The following PCDH7 variants were observed in gnomAD, a reference collection of about 807,000 sequenced individuals.
The protein encoded by PCDH7 is protocadherin-7.
Under a neutral mutation model 58.9 loss-of-function variants are expected in PCDH7, and 17 were observed. That is an observed-to-expected ratio of 0.29 (90% CI 0.20 to 0.43). The LOEUF is 0.43. Ranked by LOEUF, PCDH7 falls within the 20% of genes least tolerant of loss-of-function variation. The pLI is 1.00. For missense variants in PCDH7, 1,274 were observed against 1,441.0 expected, an observed-to-expected ratio of 0.88 and a Z score of 1.88; for synonymous variants, 664 against 616.4, an observed-to-expected ratio of 1.08 and a Z score of -1.14.
chr4:31,119,009 G>C (rs1319255177), intron 3 of PCDH7, among the ~76,000 whole-genome samples: 1 of 151,982 alleles, frequency 6.6e-6, no homozygotes, highest in Non-Finnish European at 1.5e-5. Context: ...CAAGTCTTTG[G>C]TGTCATCAAA....
intron 1 of PCDH7, among the ~76,000 whole-genome samples, chr4:30,852,095 CAG>C (rs1449795280): frequency 6.6e-6 from 1 of 151,988 alleles, no homozygotes; most frequent in African/African-American, 2.4e-5. Flanking sequence ...CACCTAAAAA[CAG>C]TATTTTCTTA....
At chr4:30,842,243 G>T (rs111551498) in intron 1 of PCDH7, among the ~76,000 whole-genome samples, 23 of 152,068 alleles carry the variant, frequency 1.5e-4, no homozygotes, top group African/African-American at 5.1e-4. Context: ...ATATGGGGTT[G>T]GGCACCCAGA....
chr4:30,957,266 A>G (rs1747957189), intron 3 of PCDH7, among the ~76,000 whole-genome samples: 1 of 152,204 alleles, frequency 6.6e-6, no homozygotes, highest in Non-Finnish European at 1.5e-5. Flanking sequence ...TCAATTAAAT[A>G]AAAAGAATTA....
intron 1 of PCDH7, among the ~76,000 whole-genome samples, chr4:30,839,141 T>C (rs1343399510): frequency 6.6e-6 from 1 of 151,886 alleles, no homozygotes. Flanking sequence ...TCACAATTGC[T>C]ATATATAATA....
At chr4:31,064,859 A>G (rs1372988543) in intron 3 of PCDH7, among the ~76,000 whole-genome samples, 1 of 147,242 alleles carries the variant, frequency 6.8e-6, no homozygotes, top group East Asian at 1.9e-4. Context: ...TCAGTTCATA[A>G]CACACACACA....
intron 3 of PCDH7, among the ~76,000 whole-genome samples, chr4:31,087,692 C>A (rs1712643827): frequency 6.6e-6 from 1 of 151,984 alleles, no homozygotes; most frequent in Admixed American, 6.6e-5. Context: ...AACATGGAAA[C>A]CAATATGAAG....
intron 3 of PCDH7, among the ~76,000 whole-genome samples, chr4:31,042,345 A>G (rs1755940373): frequency 1.3e-5 from 2 of 152,194 alleles, no homozygotes; most frequent in South Asian, 2.1e-4. Flanking sequence ...TTTTCCCAGT[A>G]GAATTCTCCA....
intron 1 of PCDH7, among the ~76,000 whole-genome samples, chr4:30,816,842 G>A (rs957364336): frequency 6.6e-6 from 1 of 152,044 alleles, no homozygotes; most frequent in Non-Finnish European, 1.5e-5. Flanking sequence ...GGGAAAAGGG[G>A]CATTTTTTGG....
chr4:31,145,932 AC>A (rs1392731480), downstream of PCDH7: 7 of 152,216 alleles, frequency 4.6e-5, no homozygotes, highest in Admixed American at 1.3e-4. Context: ...TTTTCTGTAC[AC>A]AAGACTCTCA....
chr4:30,947,948 A>T (rs1166808826), intron 2 of PCDH7, among the ~76,000 whole-genome samples: 1 of 152,116 alleles, frequency 6.6e-6, no homozygotes, highest in Non-Finnish European at 1.5e-5. Context: ...TGTGAGTGAG[A>T]ACATGCGGTG....
intron 1 of PCDH7, among the ~76,000 whole-genome samples, chr4:30,861,854 G>A (rs772456964): frequency 2.6e-5 from 4 of 152,096 alleles, no homozygotes; most frequent in Non-Finnish European, 4.4e-5. Context: ...TAGAAGTAGA[G>A]CACCTTGTTA....
downstream of PCDH7, among the ~76,000 whole-genome samples, chr4:30,735,669 G>A (rs1716150480): frequency 6.6e-6 from 1 of 152,142 alleles, no homozygotes. Flanking sequence ...GTAACCTTGG[G>A]TAGCTTAGAA....
At chr4:30,973,302 T>G (rs2109475623) in intron 3 of PCDH7, among the ~76,000 whole-genome samples, 1 of 152,276 alleles carries the variant, frequency 6.6e-6, no homozygotes, top group South Asian at 2.1e-4. Context: ...TGTTGCATGC[T>G]TAGGGAAGAC....
At chr4:31,113,109 T>A (rs1050501833) in intron 3 of PCDH7, among the ~76,000 whole-genome samples, 7 of 152,204 alleles carry the variant, frequency 4.6e-5, no homozygotes, top group Non-Finnish European at 8.8e-5. Context: ...ATTGACCTTC[T>A]TTTGTCTGTA....
chr4:31,007,902 T>G (rs1244342099), intron 3 of PCDH7, among the ~76,000 whole-genome samples: 1 of 152,152 alleles, frequency 6.6e-6, no homozygotes, highest in African/African-American at 2.4e-5. Flanking sequence ...TTCTTTTCTT[T>G]TACTGCCTGA....
chr4:30,873,786 A>G (rs1181679338), intron 1 of PCDH7, among the ~76,000 whole-genome samples: 2 of 152,082 alleles, frequency 1.3e-5, no homozygotes, highest in African/African-American at 4.8e-5. Context: ...AAATCCATAG[A>G]AATACAGTTT....
chr4:31,089,414 A>T (rs76433232), intron 3 of PCDH7, among the ~76,000 whole-genome samples: 20,727 of 151,896 alleles, frequency 0.14, 1,630 homozygotes, highest in South Asian at 0.2. Context: ...ATGCCAAGAA[A>T]ATTTTTTTCT....
At chr4:31,111,568 C>T (rs1193271895) in intron 3 of PCDH7, among the ~76,000 whole-genome samples, 1 of 151,942 alleles carries the variant, frequency 6.6e-6, no homozygotes, top group Non-Finnish European at 1.5e-5. Context: ...TCTCGGCCTC[C>T]CACAAATTTT....
At chr4:30,772,132 A>G (rs1442023222) in intron 1 of PCDH7, among the ~76,000 whole-genome samples, 3 of 152,178 alleles carry the variant, frequency 2.0e-5, no homozygotes, top group African/African-American at 7.2e-5. Flanking sequence ...AGACTCCAAA[A>G]GTGCTGGGAT....
Sources: allele counts gnomAD v4.1 joint callset (sites outside exome capture counted in the v4.1 genomes callset), GRCh38; gene constraint gnomAD v4.1.1; transcripts MANE v1.5; gene names NCBI Gene and HGNC (gene_info 2026-07-23, HGNC 2026-07-21).